SHISA6: variants seen among roughly 807,000 people sequenced by gnomAD.
SHISA6 encodes protein shisa-6.
In SHISA6, 22 loss-of-function variants were observed where a neutral mutation model predicts 47.9. The ratio of observed to expected loss-of-function variants is 0.46; its 90% CI spans 0.33 to 0.66. The LOEUF is 0.66. Among genes scored for constraint, SHISA6 ranks in the 30% least tolerant of loss-of-function variants. The pLI is 0.02. For missense variants in SHISA6, 680 were observed against 764.6 expected, an observed-to-expected ratio of 0.89 and a Z score of 1.30; for synonymous variants, 388 against 337.8, an observed-to-expected ratio of 1.15 and a Z score of -1.63.
intron 2 of SHISA6, among the ~76,000 whole-genome samples, chr17:11,282,606 T>A (rs2005814): frequency 0.97 from 147,043 of 152,170 alleles, 71,133 homozygotes; most frequent in East Asian, 1. Context: ...TGTTCAAGTG[T>A]TCTCATTGTT....
intron 3 of SHISA6, among the ~76,000 whole-genome samples, chr17:11,389,234 A>T (rs998161512): frequency 6.6e-6 from 1 of 152,098 alleles, no homozygotes; most frequent in East Asian, 1.9e-4. Flanking sequence ...CCATTGGCCC[A>T]TGTAGGTGGC....
chr17:11,286,334 G>A (rs767062788), intron 2 of SHISA6, among the ~76,000 whole-genome samples: 2 of 152,136 alleles, frequency 1.3e-5, no homozygotes, highest in Non-Finnish European at 2.9e-5. Flanking sequence ...CTATGCTTTT[G>A]TTTTTGCTAT....
intron 3 of SHISA6, among the ~76,000 whole-genome samples, chr17:11,544,411 T>C (rs1379369005): frequency 6.6e-6 from 1 of 152,180 alleles, no homozygotes; most frequent in Admixed American, 6.5e-5. Context: ...CGAGACATTA[T>C]ACTGAAGATA....
intron 2 of SHISA6, among the ~76,000 whole-genome samples, chr17:11,346,164 T>C (rs1597468189): frequency 1.3e-5 from 2 of 152,170 alleles, no homozygotes; most frequent in African/African-American, 4.8e-5. Context: ...TGAAAGGGTG[T>C]TGGATTTTGT....
chr17:11,454,968 G>A (rs1915497171), intron 3 of SHISA6, among the ~76,000 whole-genome samples: 1 of 152,026 alleles, frequency 6.6e-6, no homozygotes, highest in South Asian at 2.1e-4. Context: ...AGGAGATCAA[G>A]ACCATTCTGG....
At chr17:11,272,667 C>G (rs1040542986) in intron 2 of SHISA6, among the ~76,000 whole-genome samples, 7 of 152,178 alleles carry the variant, frequency 4.6e-5, no homozygotes, top group African/African-American at 1.7e-4. Context: ...CTGACAATCT[C>G]TAATCCCTGG....
chr17:11,403,245 C>T (rs936574871), intron 3 of SHISA6, among the ~76,000 whole-genome samples: 1 of 152,152 alleles, frequency 6.6e-6, no homozygotes. Flanking sequence ...GCTCTCAAGA[C>T]TCAGATTTGA....
At chr17:11,557,691 T>C in intron 5 of SHISA6, 63 bp from the exon 6 acceptor site, 1 of 1,455,008 alleles carries the variant, frequency 6.9e-7, no homozygotes, top group Non-Finnish European at 9.2e-7. Context: ...GGCAGGGTTC[T>C]ATCTGAGTCC....
At chr17:11,386,867 G>A (rs1178290026) in intron 3 of SHISA6, among the ~76,000 whole-genome samples, 13 of 152,260 alleles carry the variant, frequency 8.5e-5, no homozygotes, top group African/African-American at 2.4e-4. Context: ...CGACCATCCC[G>A]GGTTGCCCAG....
At chr17:11,452,867 TTC>T (rs1258020654) in intron 3 of SHISA6, among the ~76,000 whole-genome samples, 2 of 151,326 alleles carry the variant, frequency 1.3e-5, no homozygotes, top group Admixed American at 6.6e-5. Context: ...CTACGACTAC[TTC>T]TCTGAGTTCC....
intron 3 of SHISA6, among the ~76,000 whole-genome samples, chr17:11,454,795 G>A (rs1915492233): frequency 2.0e-5 from 3 of 152,188 alleles, no homozygotes; most frequent in Admixed American, 2.0e-4. Flanking sequence ...ATTCAAATGG[G>A]AGAACCTTCA....
chr17:11,421,267 A>C (rs1914445213), intron 3 of SHISA6, among the ~76,000 whole-genome samples: 1 of 152,224 alleles, frequency 6.6e-6, no homozygotes, highest in African/African-American at 2.4e-5. Context: ...GAGAGCCTTA[A>C]ATTTAAAACA....
At chr17:11,311,034 G>C (rs987346833) in intron 2 of SHISA6, among the ~76,000 whole-genome samples, 2 of 149,038 alleles carry the variant, frequency 1.3e-5, no homozygotes, top group African/African-American at 5.0e-5. Flanking sequence ...GTGAACCCAG[G>C]AGGCGGAGCT....
intron 2 of SHISA6, among the ~76,000 whole-genome samples, chr17:11,281,126 C>T (rs1345142346): frequency 6.6e-6 from 1 of 152,170 alleles, no homozygotes; most frequent in African/African-American, 2.4e-5. Context: ...AGTTTTACTT[C>T]TTCCCTTATT....
chr17:11,425,350 C>T (rs967226389), intron 3 of SHISA6, among the ~76,000 whole-genome samples: 3 of 151,966 alleles, frequency 2.0e-5, no homozygotes, highest in African/African-American at 7.2e-5. Context: ...AGATCATGCT[C>T]CCCTCTACCA....
intron 3 of SHISA6, among the ~76,000 whole-genome samples, chr17:11,551,072 C>G (rs2071928165): frequency 1.3e-5 from 2 of 152,206 alleles, no homozygotes; most frequent in Non-Finnish European, 2.9e-5. Flanking sequence ...GCCTCCTCTT[C>G]CCTTTGCTTT....
intron 1 of SHISA6, among the ~76,000 whole-genome samples, chr17:11,256,966 C>T (rs560769396): frequency 3.0e-4 from 45 of 152,300 alleles, no homozygotes; most frequent in African/African-American, 1.0e-3. Flanking sequence ...ACAGGCAGGC[C>T]GTGCCTTCCC....
intron 2 of SHISA6, chr17:11,289,708 C>T (rs1909453179): frequency 6.6e-6 from 1 of 151,846 alleles, no homozygotes; most frequent in Non-Finnish European, 1.5e-5. Context: ...GAAAATCATT[C>T]TGATTCCATT....
chr17:11,298,389 A>G (rs1380572873), intron 2 of SHISA6, among the ~76,000 whole-genome samples: 2 of 152,244 alleles, frequency 1.3e-5, no homozygotes, highest in East Asian at 1.9e-4. Context: ...AAGCTCACTC[A>G]TACAGTTCTG....
Sources: allele counts gnomAD v4.1 joint callset (sites outside exome capture counted in the v4.1 genomes callset), GRCh38; gene constraint gnomAD v4.1.1; transcripts MANE v1.5; gene names NCBI Gene and HGNC (gene_info 2026-07-23, HGNC 2026-07-21).